The following LRRC9 variants were observed in gnomAD, a reference collection of about 807,000 sequenced individuals.
LRRC9 encodes the protein leucine-rich repeat-containing protein 9.
LRRC9 carries 122 observed loss-of-function variants against 63.2 expected under a neutral mutation model. The observed-to-expected ratio is 1.93, with a 90% CI of 1.67 to 2.24. The LOEUF (loss-of-function observed/expected upper bound fraction) is 2.24, where lower values mean the gene tolerates loss of function less well. Among genes scored for constraint, LRRC9 ranks in the 30% most tolerant of loss-of-function variants. The pLI is 0.00. For missense variants in LRRC9, 1,071 were observed against 627.7 expected (o/e 1.71, Z -7.55); for synonymous variants, 366 against 213.1 (o/e 1.72, Z -6.25).
chr14:59,997,374 A>G (rs1261183183), intron 17 of LRRC9, among the ~76,000 whole-genome samples: 1 of 152,108 alleles, frequency 6.6e-6, no homozygotes, highest in African/African-American at 2.4e-5. Context: ...GGGATAAATT[A>G]TCTTGACAGT....
rs376882878 is a variant in LRRC9, at chr14:59,965,767, C to T, written c.1212-822C>T. 6.9e-4 allele frequency among the ~76,000 whole-genome samples: 105 copies of T among 151,542 alleles called. 2 individuals carry two copies. Among genetic ancestry groups the T allele is most frequent in the African/African-American group, 2.4e-3 (98 of 41,272 alleles). On this transcript the variant is annotated intron_variant, in intron 10 of 31. Transcript: ENST00000445360. ...GCGTGATGGCGGGCGCCTGTAGTCC[C>T]AGCTACTCGGGAAGCTGAGGCAGGA...
chr14:59,949,261 T>C (rs1882826331), intron 8 of LRRC9, among the ~76,000 whole-genome samples: 1 of 152,250 alleles, frequency 6.6e-6, no homozygotes, highest in Admixed American at 6.5e-5. Context: ...TCGAGGAATT[T>C]ATCCATTTAT....
intron 12 of LRRC9, chr14:59,969,344 A>G (rs1165924382): frequency 6.6e-6 from 1 of 152,202 alleles, no homozygotes; most frequent in Admixed American, 6.5e-5. Context: ...CACAGGTTAA[A>G]GTCTCCTGAT....
intron 31 of LRRC9, among the ~76,000 whole-genome samples, chr14:60,062,964 T>A (rs1894751517): frequency 6.6e-6 from 1 of 151,858 alleles, no homozygotes; most frequent in Admixed American, 6.6e-5. Context: ...CAATCTTGGC[T>A]CACTGCAACC....
chr14:59,921,852 G>A (rs995509910), intron 1 of LRRC9, among the ~76,000 whole-genome samples: 3 of 151,804 alleles, frequency 2.0e-5, no homozygotes, highest in Admixed American at 1.3e-4. Flanking sequence ...TTGGGAAGCC[G>A]AGGCGGGTGG....
intron 18 of LRRC9, 64 bp from the exon 19 acceptor site, chr14:59,999,037 A>G: frequency 1.8e-6 from 1 of 560,972 alleles, no homozygotes; most frequent in Non-Finnish European, 3.2e-6. Context: ...ACATGAAAAC[A>G]GTCATTTTCA....
At position 60,053,420 on chromosome 14, in the gene LRRC9, C is replaced by CACACACAT. The variant is rs989713744; in HGVS notation, c.4131+216_4131+217insCACACATA. Among the ~76,000 whole-genome samples, 3 of 22,918 alleles carry CACACACAT rather than the reference C, an allele frequency of 1.3e-4. No homozygotes were observed. The highest frequency in any genetic ancestry group is 8.7e-4 in the East Asian group (1 of 1,146). 15.0% of individuals were successfully genotyped at this position (22,918 alleles called of 152,430 possible). On this transcript the variant is annotated intron_variant, in intron 30 of 31. Transcript: ENST00000445360. This position sits in a 1 kb window ranked among gnomAD's most constrained non-coding sequence, Gnocchi z 4.8. Reference sequence around the variant, plus strand: ...ACACACACACACACACACACACACACATATATATGTAAGTCAGGGAACATC... The same window carrying CACACACAT: ...ACACACACACACACACACACACACACACACACATATATATATGTAAGTCAGGGAACATC...
chr14:60,015,440 G>T (rs544740196), intron 23 of LRRC9, among the ~76,000 whole-genome samples: 1 of 152,264 alleles, frequency 6.6e-6, no homozygotes, highest in Non-Finnish European at 1.5e-5. Context: ...CCAGTGAGAA[G>T]ACGAGGAACA....
At chr14:60,044,816 T>C (rs1166687340) in intron 29 of LRRC9, among the ~76,000 whole-genome samples, 1 of 152,214 alleles carries the variant, frequency 6.6e-6, no homozygotes, top group African/African-American at 2.4e-5. Context: ...ATCTAGTGTA[T>C]AGTTTAACTT....
At chr14:60,001,188 T>C (rs1889326024) in intron 19 of LRRC9, among the ~76,000 whole-genome samples, 1 of 149,100 alleles carries the variant, frequency 6.7e-6, no homozygotes, top group South Asian at 2.1e-4. Context: ...TGATGTATAT[T>C]TGTGTGTGTG....
chr14:60,058,045 A>C lies in LRRC9; in HGVS notation c.4276+23A>C, dbSNP rs1329027103. The C allele has an allele frequency of 1.8e-6, 1 of 541,990 alleles. No homozygotes were observed. Among genetic ancestry groups the C allele is most frequent in the South Asian group, 2.6e-5 (1 of 37,874 alleles). The allele number at this position is 541,990 out of a possible 1,614,324, so 33.6% of individuals were successfully genotyped here. ...AAGGTATTTTGACAATTTCAGATAG[A>C]ATGTAAAAGAATCACTTAATTTGAA... On this transcript the variant is annotated intron_variant, in intron 31 of 31. Coordinates refer to ENST00000445360, the Ensembl canonical transcript of LRRC9. The surrounding 1 kb of genome is among the most constrained non-coding windows in gnomAD (Gnocchi z 4.4).
chr14:59,931,812 T>C lies in LRRC9; in HGVS notation c.472+130T>C, dbSNP rs568034682. On this transcript the variant is annotated intron_variant, in intron 5 of 31. Transcript: ENST00000445360. ...CATATTTGCAAAGCATATTGAAACCTGTGAAAATATTACTCATTAATCAGT... is the reference window on the plus strand; with the variant it reads ...CATATTTGCAAAGCATATTGAAACCCGTGAAAATATTACTCATTAATCAGT... 81 of 610,126 alleles carry C rather than the reference T, an allele frequency of 1.3e-4. No individual in the cohort carries two copies. In the South Asian group the frequency reaches 1.5e-3, roughly 12 times the overall value. The allele number at this position is 610,126 out of a possible 1,614,324, so 37.8% of individuals were successfully genotyped here. A position where few individuals can be genotyped will look rare whatever the true frequency, so the allele number is the denominator to read the frequency against.
chr14:59,987,590 A>G (rs1887625383), intron 17 of LRRC9, among the ~76,000 whole-genome samples: 1 of 151,652 alleles, frequency 6.6e-6, no homozygotes, highest in African/African-American at 2.4e-5. Flanking sequence ...ATACATCGCT[A>G]TATGCCTCCC....
chr14:60,019,380 CTATTT>C (rs1185506194), intron 26 of LRRC9, 120 bp downstream of exon 26: 1 of 453,598 alleles, frequency 2.2e-6, no homozygotes, highest in African/African-American at 2.0e-5. Flanking sequence ...ATTGTAATAC[CTATTT>C]TATTTAATAG....
chr14:59,928,270 T>G (rs1161540659), exon 3 of LRRC9: 1 of 587,636 alleles, frequency 1.7e-6, no homozygotes, highest in African/African-American at 1.9e-5. Flanking sequence ...TAAAACAGTG[T>G]TTGTGCAATG....
intron 23 of LRRC9, among the ~76,000 whole-genome samples, chr14:60,009,765 A>G (rs1019166970): frequency 3.3e-5 from 5 of 152,214 alleles, no homozygotes; most frequent in African/African-American, 1.2e-4. Context: ...TCCTAGAGAC[A>G]ATGGGGGTAC....
chr14:60,029,808 TATTG>T (rs1430311447), intron 28 of LRRC9, among the ~76,000 whole-genome samples: 1 of 152,130 alleles, frequency 6.6e-6, no homozygotes, highest in Non-Finnish European at 1.5e-5. Context: ...AAGTGAGCAT[TATTG>T]ATTATTTAAT....
At chr14:59,934,476 G>C (rs1720500658) in intron 6 of LRRC9, among the ~76,000 whole-genome samples, 1 of 152,150 alleles carries the variant, frequency 6.6e-6, no homozygotes, top group Admixed American at 6.6e-5. Flanking sequence ...GGCATAACAA[G>C]CAAGAGTGTG....
chr14:59,991,721 A>G (rs1020983345), intron 17 of LRRC9, among the ~76,000 whole-genome samples: 1 of 152,162 alleles, frequency 6.6e-6, no homozygotes, highest in Non-Finnish European at 1.5e-5. Context: ...ACTCATTGCT[A>G]GCCAAGCAGT....
Sources: gnomAD v4.1 joint callset for allele counts (sites outside exome capture counted in the v4.1 genomes callset) on GRCh38, gnomAD v4.1.1 for gene constraint, Gnocchi (gnomAD v3.1) non-coding constraint, MANE v1.5 for transcripts, NCBI Gene and HGNC (gene_info 2026-07-23, HGNC 2026-07-21) for gene names.